CCDC39: variants seen among roughly 807,000 people sequenced by gnomAD.
CCDC39 encodes coiled-coil domain 39 molecular ruler complex subunit.
Under a neutral mutation model 121.0 loss-of-function variants are expected in CCDC39, and 113 were observed. The observed-to-expected ratio is 0.93, with a 90% CI of 0.80 to 1.09. The LOEUF (loss-of-function observed/expected upper bound fraction) is 1.09. Ranked by LOEUF, CCDC39 falls within the 50% of genes least tolerant of loss-of-function variation. The probability of loss-of-function intolerance (pLI) is 0.00; values close to 1 mark genes in which losing one functional copy is unlikely to be tolerated. For missense variants in CCDC39, 1,063 were observed against 1,074.7 expected, an observed-to-expected ratio of 0.99 and a Z score of 0.15; for synonymous variants, 349 against 352.2, an observed-to-expected ratio of 0.99 and a Z score of 0.10.
intron 13 of CCDC39, among the ~76,000 whole-genome samples, chr3:180,637,263 C>G (rs924657726): frequency 6.6e-6 from 1 of 151,678 alleles, no homozygotes; most frequent in Non-Finnish European, 1.5e-5. Flanking sequence ...AAAAAGTGAG[C>G]AAAGGACATG....
Position 180,616,257 on chromosome 3 carries a change from A to AT in CCDC39, c.2669+23dup, listed in dbSNP as rs573087987. 6,145 of 1,574,698 alleles carry AT rather than the reference A, an allele frequency of 3.9e-3. 17 individuals carry two copies. The highest frequency in any genetic ancestry group is 0.017 in the Middle Eastern group (103 of 5,938). On this transcript the variant is annotated intron_variant, in intron 19 of 19. Transcript: ENST00000476379. ...GTGTACAGCTGTGAGAGTTAAGCAG[A>AT]TTTTTTTTTAACCCTCCGCTTACCT...
At chr3:180,664,863 ATTTT>A (rs11309193) in intron 1 of CCDC39, among the ~76,000 whole-genome samples, 1 of 143,600 alleles carries the variant, frequency 7.0e-6, no homozygotes. Flanking sequence ...CACCTGGCTA[ATTTT>A]TTTTTTTTTT....
At chr3:180,641,903 T>C (rs993580694) in intron 13 of CCDC39, 90 bp downstream of exon 13, 34 of 852,736 alleles carry the variant, frequency 4.0e-5, no homozygotes, top group Non-Finnish European at 5.9e-5. Context: ...GTAAAAACGA[T>C]GCACATCCGG....
At chr3:180,641,116 T>A (rs1717943372) in intron 13 of CCDC39, among the ~76,000 whole-genome samples, 3 of 152,106 alleles carry the variant, frequency 2.0e-5, no homozygotes, top group Non-Finnish European at 4.4e-5. Flanking sequence ...GTAAGGTTGG[T>A]TTGACTTTGA....
intron 12 of CCDC39, among the ~76,000 whole-genome samples, chr3:180,643,398 G>A (rs1576942319): frequency 6.6e-6 from 1 of 152,074 alleles, no homozygotes; most frequent in African/African-American, 2.4e-5. Flanking sequence ...AGAGAAAAGT[G>A]TTTTAAACAT....
At chr3:180,627,497 T>G (rs1475391648) in intron 14 of CCDC39, among the ~76,000 whole-genome samples, 1 of 152,206 alleles carries the variant, frequency 6.6e-6, no homozygotes, top group African/African-American at 2.4e-5. Context: ...CTTGAAGTTC[T>G]AAAATTCTGA....
chr3:180,641,075 T>C (rs558548720), intron 13 of CCDC39, among the ~76,000 whole-genome samples: 1 of 152,160 alleles, frequency 6.6e-6, no homozygotes, highest in African/African-American at 2.4e-5. Flanking sequence ...AAAGATAATA[T>C]GTAACAGACA....
In CCDC39 at chr3:180,619,901, T is replaced by G; in HGVS notation, c.2068A>C (p.Lys690Gln). 2.5e-6 allele frequency: 4 copies of G among 1,611,054 alleles called. No homozygotes were observed. The highest frequency in any genetic ancestry group is 3.4e-6 in the Non-Finnish European group (4 of 1,178,638). ...GTATTTTCTAGAGCGTAGATTTCTT[T>G]TTCAGCTTTGTTGATCTTGGCATCC... Reference protein sequence around the residue: ...CLDAKINKAEKEIYALENTLQ... With the variant: ...CLDAKINKAEQEIYALENTLQ... The change falls in exon 15 of 20, where the codon AAA becomes CAA. Residue 690 changes from lysine to glutamine, a missense_variant. Transcript: ENST00000476379.
intron 16 of CCDC39, among the ~76,000 whole-genome samples, chr3:180,618,380 T>C (rs2108405634): frequency 6.6e-6 from 1 of 152,202 alleles, no homozygotes; most frequent in Non-Finnish European, 1.5e-5. Context: ...ATTAGTAAAA[T>C]CAATGTTTAG....
At chr3:180,654,713 T>C (rs759808793) in intron 7 of CCDC39, 49 bp downstream of exon 7, 6 of 1,258,800 alleles carry the variant, frequency 4.8e-6, no homozygotes, top group South Asian at 1.6e-5. Flanking sequence ...TTATATTTTA[T>C]AGTGATTTGT....
chr3:180,649,335 C>A (rs761556844), intron 9 of CCDC39, among the ~76,000 whole-genome samples: 1 of 152,154 alleles, frequency 6.6e-6, no homozygotes, highest in Non-Finnish European at 1.5e-5. Context: ...TTAAATTGAT[C>A]TACCATGCCA....
chr3:180,644,309 A>C, intron 11 of CCDC39, 52 bp from the exon 12 acceptor site: 2 of 1,090,168 alleles, frequency 1.8e-6, no homozygotes, highest in Non-Finnish European at 2.6e-6. Flanking sequence ...ATTGACAAAA[A>C]TATTAAATAC....
In CCDC39 at chr3:180,667,713, A is replaced by C. The variant is rs376148522; in HGVS notation, c.91-3727T>G. Reference sequence around the variant, plus strand: ...CACAATATTGAAATTAGGCCAATTAATAACCTTGCGATGGCCTCTATGTAT... The same window carrying C: ...CACAATATTGAAATTAGGCCAATTACTAACCTTGCGATGGCCTCTATGTAT... On this transcript the variant is annotated intron_variant, in intron 1 of 19. Coordinates refer to ENST00000476379, the MANE Select transcript of CCDC39 (RefSeq NM_181426.2). 3.3e-5 allele frequency among the ~76,000 whole-genome samples: 5 copies of C among 152,184 alleles called. No individual in the cohort carries two copies. The East Asian group carries it at 9.6e-4, about 29-fold the overall frequency.
In CCDC39 at chr3:180,647,202, T is replaced by C. The variant is rs1335379185; in HGVS notation, c.1404A>G (p.Leu468=). ...TTTCTTCTGAATTAATTTCTCCCTT[T>C]AACCGTGACATTCTCCGTTCCACTT... is the stretch of plus-strand genomic sequence containing the variant. ...IQQVERRMSR[L]KGEINSEEKQ... Residue 468 remains leucine, a synonymous_variant, in exon 11 of 20, where the codon TTA becomes TTG. Transcript: ENST00000476379. 2.2e-5 allele frequency: 36 copies of C among 1,610,542 alleles called. No individual in the cohort carries two copies. The highest frequency in any genetic ancestry group is 2.9e-5 in the Non-Finnish European group (34 of 1,178,506).
chr3:180,615,313 C>T (rs1461385110), intron 19 of CCDC39, among the ~76,000 whole-genome samples: 1 of 151,966 alleles, frequency 6.6e-6, no homozygotes, highest in Non-Finnish European at 1.5e-5. Flanking sequence ...AAGTATGTTC[C>T]TACATGGTAA....
intron 8 of CCDC39, among the ~76,000 whole-genome samples, chr3:180,651,929 C>T (rs1351699217): frequency 1.3e-5 from 2 of 151,818 alleles, no homozygotes; most frequent in Admixed American, 1.3e-4. Context: ...CCCAGCTACT[C>T]AGGAGACTGA....
At chr3:180,644,449 A>G (rs1445559719) in intron 11 of CCDC39, among the ~76,000 whole-genome samples, 192 bp from the exon 12 acceptor site, 1 of 152,068 alleles carries the variant, frequency 6.6e-6, no homozygotes. Flanking sequence ...AAACATTTTC[A>G]TTTTTATCAT....
chr3:180,631,525 C>G lies in CCDC39; in HGVS notation c.1942G>C (p.Val648Leu). 1 of 1,609,002 alleles carries G rather than the reference C, an allele frequency of 6.2e-7. No homozygotes were observed. The highest frequency in any genetic ancestry group is 8.5e-7 in the Non-Finnish European group (1 of 1,178,998). The change falls in exon 14 of 20, where the codon GTT becomes CTT. Residue 648 changes from valine to leucine, a missense_variant. By Grantham distance (32) the Val-to-Leu change is conservative. Coordinates refer to ENST00000476379, the MANE Select transcript of CCDC39 (RefSeq NM_181426.2). ...LKNRYEILTV[V>L]MLPPEGEEEK... ...TCTTCTCCTTCAGGAGGCAGCATAA[C>G]AACAGTCAGAATTTCATATCTATTC...
intron 19 of CCDC39, among the ~76,000 whole-genome samples, chr3:180,615,585 AG>A (rs1391541087): frequency 6.6e-6 from 1 of 152,198 alleles, no homozygotes; most frequent in Non-Finnish European, 1.5e-5. Context: ...TCAGTTATAT[AG>A]AAACAGTTTT....
Sources: gnomAD v4.1 joint callset for allele counts (sites outside exome capture counted in the v4.1 genomes callset) on GRCh38, gnomAD v4.1.1 for gene constraint, MANE v1.5 for transcripts, NCBI Gene and HGNC (gene_info 2026-07-23, HGNC 2026-07-21) for gene names.